The following GRM8 variants were observed in gnomAD, a reference collection of about 807,000 sequenced individuals.
GRM8 encodes the protein glutamate metabotropic receptor 8.
In GRM8, 47 loss-of-function variants were observed where a neutral mutation model predicts 87.2. The observed-to-expected ratio is 0.54, with a 90% CI of 0.43 to 0.69. GRM8 has a LOEUF of 0.69. GRM8 is among the 30% of genes least tolerant of loss of function. The pLI, the probability that GRM8 is intolerant of heterozygous loss-of-function variation, is 0.00. For missense variants in GRM8, 1,019 were observed against 1,139.2 expected, an observed-to-expected ratio of 0.89 and a Z score of 1.52; for synonymous variants, 396 against 404.5, an observed-to-expected ratio of 0.98 and a Z score of 0.25.
chr7:127,162,616 G>T (rs370520201), intron 2 of GRM8, among the ~76,000 whole-genome samples: 25 of 152,128 alleles, frequency 1.6e-4, no homozygotes, highest in East Asian at 5.8e-4. Context: ...ATAGTAAAAG[G>T]ATTTATTTAA....
intron 3 of GRM8, among the ~76,000 whole-genome samples, chr7:127,011,736 A>C (rs568104158): frequency 6.6e-6 from 1 of 152,296 alleles, no homozygotes; most frequent in South Asian, 2.1e-4. Flanking sequence ...TAAAAATTAA[A>C]ATCTTACAGA....
At chr7:127,094,730 C>A (rs560139018) in intron 3 of GRM8, among the ~76,000 whole-genome samples, 12 of 152,262 alleles carry the variant, frequency 7.9e-5, no homozygotes, top group African/African-American at 2.9e-4. Context: ...GCAGCCCTAG[C>A]AAACTAATAC....
At chr7:126,818,476 C>T (rs145727405) in intron 6 of GRM8, among the ~76,000 whole-genome samples, 22 of 152,252 alleles carry the variant, frequency 1.4e-4, no homozygotes, top group Non-Finnish European at 2.5e-4. Context: ...CCTCTTCTTG[C>T]TTACTGTCAT....
intron 6 of GRM8, among the ~76,000 whole-genome samples, chr7:126,777,833 A>G (rs915592042): frequency 6.6e-6 from 1 of 152,176 alleles, no homozygotes; most frequent in Non-Finnish European, 1.5e-5. Flanking sequence ...CCATCCACTT[A>G]TGGAAAAGTT....
chr7:126,885,841 T>C (rs1367218551), intron 6 of GRM8, among the ~76,000 whole-genome samples: 1 of 152,168 alleles, frequency 6.6e-6, no homozygotes, highest in African/African-American at 2.4e-5. Flanking sequence ...AAACAGGAAA[T>C]CCAATTTGTA....
At chr7:126,746,027 G>T (rs1815631815) in intron 7 of GRM8, among the ~76,000 whole-genome samples, 1 of 151,610 alleles carries the variant, frequency 6.6e-6, no homozygotes, top group African/African-American at 2.4e-5. Context: ...AGAGAATACT[G>T]CTTATTAAAG....
At chr7:127,035,287 T>C (rs1284573630) in intron 3 of GRM8, among the ~76,000 whole-genome samples, 5 of 152,202 alleles carry the variant, frequency 3.3e-5, no homozygotes, top group Non-Finnish European at 2.9e-5. Context: ...ATTTGCCTTG[T>C]TAAGGCTGTG....
chr7:126,462,316 TA>T (rs1369755114), intron 9 of GRM8, among the ~76,000 whole-genome samples: 3 of 151,654 alleles, frequency 2.0e-5, no homozygotes, highest in Non-Finnish European at 3.0e-5. Context: ...ATTATGGTGT[TA>T]AAAATTTTAA....
chr7:126,738,718 T>C (rs1476414736), intron 7 of GRM8, among the ~76,000 whole-genome samples: 1 of 145,982 alleles, frequency 6.9e-6, no homozygotes, highest in Non-Finnish European at 1.5e-5. Context: ...GGTTGGGGGA[T>C]GCAGAAAGAA....
intron 2 of GRM8, among the ~76,000 whole-genome samples, chr7:127,127,480 GTAATAT>G (rs1240488380): frequency 6.6e-6 from 1 of 151,980 alleles, no homozygotes; most frequent in Non-Finnish European, 1.5e-5. Flanking sequence ...GATGAACACA[GTAATAT>G]GAATGAATCT....
intron 3 of GRM8, among the ~76,000 whole-genome samples, chr7:127,055,834 G>A (rs11563759): frequency 0.08 from 12,123 of 152,048 alleles, 523 homozygotes; most frequent in South Asian, 0.13. Flanking sequence ...TTTGCGAAGT[G>A]AATTGCTAGG....
chr7:126,719,767 T>C (rs1247886115), intron 7 of GRM8, among the ~76,000 whole-genome samples: 1 of 147,234 alleles, frequency 6.8e-6, no homozygotes, highest in Non-Finnish European at 1.5e-5. Context: ...AAATCACAAA[T>C]AGACAGAGAC....
chr7:127,178,161 C>A (rs575978155), intron 2 of GRM8, among the ~76,000 whole-genome samples: 1 of 152,148 alleles, frequency 6.6e-6, no homozygotes, highest in South Asian at 2.1e-4. Flanking sequence ...AAAAAGCAAT[C>A]AAAAATTCAG....
intron 6 of GRM8, among the ~76,000 whole-genome samples, chr7:126,787,455 T>A (rs1444163522): frequency 2.0e-5 from 3 of 152,186 alleles, no homozygotes; most frequent in African/African-American, 7.2e-5. Flanking sequence ...ATATGAAAAC[T>A]CATTTACCCT....
intron 8 of GRM8, among the ~76,000 whole-genome samples, chr7:126,607,102 T>C (rs1243225167): frequency 6.6e-6 from 1 of 152,214 alleles, no homozygotes; most frequent in Non-Finnish European, 1.5e-5. Flanking sequence ...TTTCATTTCC[T>C]ATAGGTCCTC....
intron 9 of GRM8, among the ~76,000 whole-genome samples, chr7:126,470,935 T>C (rs1805117029): frequency 1.3e-5 from 2 of 152,210 alleles, no homozygotes; most frequent in South Asian, 4.1e-4. Flanking sequence ...ATTTCTCTGA[T>C]GGCCAGTGAT....
At chr7:126,899,718 CTT>C (rs1801880726) in intron 6 of GRM8, among the ~76,000 whole-genome samples, 1 of 143,846 alleles carries the variant, frequency 7.0e-6, no homozygotes. Flanking sequence ...CATTTATTCT[CTT>C]TCACTAGTTA....
chr7:126,532,888 A>G, intron 9 of GRM8, 64 bp downstream of exon 9: 1 of 940,074 alleles, frequency 1.1e-6, no homozygotes, highest in South Asian at 1.6e-5. Context: ...AAAGGAGGAA[A>G]AGCATCCTAA....
At chr7:126,616,154 A>C (rs942820611) in intron 7 of GRM8, among the ~76,000 whole-genome samples, 1 of 152,218 alleles carries the variant, frequency 6.6e-6, no homozygotes, top group African/African-American at 2.4e-5. Flanking sequence ...ATGTAAAAGA[A>C]CAGAAATTAT....
Sources: allele counts gnomAD v4.1 joint callset (sites outside exome capture counted in the v4.1 genomes callset), GRCh38; gene constraint gnomAD v4.1.1; transcripts MANE v1.5; gene names NCBI Gene and HGNC (gene_info 2026-07-23, HGNC 2026-07-21).